MTUS2: variants seen among roughly 807,000 people sequenced by gnomAD.
The protein encoded by MTUS2 is microtubule associated scaffold protein 2.
In MTUS2, 40 loss-of-function variants were observed where a neutral mutation model predicts 114.1. That is an observed-to-expected ratio of 0.35 (90% CI 0.27 to 0.46). MTUS2 has a LOEUF of 0.46. MTUS2 is among the 20% of genes least tolerant of loss of function. The pLI is 1.00. For missense variants in MTUS2, 1,679 were observed against 1,705.4 expected (o/e 0.98, Z 0.27); for synonymous variants, 688 against 672.0 (o/e 1.02, Z -0.37).
intron 5 of MTUS2, among the ~76,000 whole-genome samples, chr13:29,195,634 A>C (rs1279388346): frequency 6.6e-6 from 1 of 151,844 alleles, no homozygotes; most frequent in African/African-American, 2.4e-5. Flanking sequence ...AAGCACCAAA[A>C]GAAAGGAAAG....
intron 9 of MTUS2, chr13:29,476,736 C>T (rs1566224009): frequency 6.6e-6 from 1 of 152,214 alleles, no homozygotes; most frequent in Non-Finnish European, 1.5e-5. Context: ...TATCTTTTCC[C>T]TCCAAGGCAG....
At chr13:29,299,161 A>T (rs1899080493) in intron 6 of MTUS2, among the ~76,000 whole-genome samples, 1 of 152,220 alleles carries the variant, frequency 6.6e-6, no homozygotes, top group Non-Finnish European at 1.5e-5. Flanking sequence ...GAGATGATGT[A>T]TACAATTTCT....
Position 29,503,012 on chromosome 13 carries a change from G to A in MTUS2, c.3916G>A (p.Ala1306Thr). 6.2e-7 allele frequency: 1 copy of A among 1,614,194 alleles called. No individual in the cohort carries two copies. Among genetic ancestry groups the A allele is most frequent in the Non-Finnish European group, 8.5e-7 (1 of 1,180,016 alleles). Residue 1306 changes from alanine (A) to threonine (T), a missense_variant, in exon 16 of 16, where the codon GCT becomes ACT. Physicochemically the swap from Ala to Thr is moderately conservative, Grantham distance 58. Around this residue, in one of 3 missense-constraint regions of MTUS2, gnomAD observed 822 missense variants for 899.7 expected, o/e 0.91. Coordinates refer to ENST00000612955, the MANE Select transcript of MTUS2 (RefSeq NM_001033602.4). ...VVTRQLSEEN[A>T]NLQEYVEKET... ...ATGCAGACAGCTGTCGGAGGAAAATGCTAACCTCCAGGAATATGTTGAGAA... is the reference window on the plus strand; with the variant it reads ...ATGCAGACAGCTGTCGGAGGAAAATACTAACCTCCAGGAATATGTTGAGAA...
intron 6 of MTUS2, among the ~76,000 whole-genome samples, chr13:29,290,831 C>T (rs563016585): frequency 3.3e-5 from 5 of 152,268 alleles, no homozygotes; most frequent in Non-Finnish European, 2.9e-5. Context: ...TATGTGCAGT[C>T]GTGGCTGTTG....
rs559585337 is a variant in MTUS2, at chr13:29,463,542, T to C, written c.3185-16608T>C. On this transcript the variant is annotated intron_variant, in intron 9 of 15. Coordinates refer to ENST00000612955, the MANE Select transcript of MTUS2 (RefSeq NM_001033602.4). ...GTAGGCTCCAAGGGCACACGCCCTA[T>C]TGGGGCATTTTGTAGCTGAGGAAGT... 2.0e-5 allele frequency among the ~76,000 whole-genome samples: 3 copies of C among 152,248 alleles called. No individual in the cohort carries two copies. In the East Asian group the frequency reaches 5.8e-4, roughly 29 times the overall value.
chr13:28,826,075 A>G (rs1253227885), intron 1 of MTUS2, among the ~76,000 whole-genome samples: 3 of 152,130 alleles, frequency 2.0e-5, no homozygotes, highest in African/African-American at 7.2e-5. Context: ...AATTGGTTGT[A>G]TATATTCTAT....
At chr13:29,153,418 C>T (rs1397951547) in intron 5 of MTUS2, among the ~76,000 whole-genome samples, 1 of 152,228 alleles carries the variant, frequency 6.6e-6, no homozygotes, top group African/African-American at 2.4e-5. Flanking sequence ...CCTGGCACAA[C>T]CCCTCCTCTG....
intron 2 of MTUS2, among the ~76,000 whole-genome samples, chr13:28,898,986 T>G (rs1379721411): frequency 1.3e-5 from 2 of 152,174 alleles, no homozygotes; most frequent in Non-Finnish European, 2.9e-5. Context: ...AAATTCCCTT[T>G]CCTCCCACCT....
chr13:29,243,212 G>C (rs1441718575), intron 5 of MTUS2, among the ~76,000 whole-genome samples: 2 of 152,202 alleles, frequency 1.3e-5, no homozygotes, highest in African/African-American at 4.8e-5. Context: ...ACTCAGGGGA[G>C]AGTGTGTAGA....
At chr13:29,183,380 A>T (rs1372592725) in intron 5 of MTUS2, among the ~76,000 whole-genome samples, 1 of 152,022 alleles carries the variant, frequency 6.6e-6, no homozygotes, top group Non-Finnish European at 1.5e-5. Context: ...AGGTTAGGAG[A>T]TTCATTTGGG....
intron 11 of MTUS2, among the ~76,000 whole-genome samples, chr13:29,491,614 AGTGT>A (rs545804654): frequency 1.4e-4 from 19 of 133,636 alleles, no homozygotes; most frequent in Admixed American, 3.8e-4. Flanking sequence ...TGTGGCATAT[AGTGT>A]GTGTATGTGA....
At chr13:29,468,766 G>A (rs1880067220) in intron 9 of MTUS2, among the ~76,000 whole-genome samples, 1 of 152,114 alleles carries the variant, frequency 6.6e-6, no homozygotes, top group African/African-American at 2.4e-5. Context: ...ATGCAGTGAA[G>A]GTTAAACAAA....
chr13:29,299,896 A>C (rs992728078), intron 6 of MTUS2, among the ~76,000 whole-genome samples: 1 of 152,124 alleles, frequency 6.6e-6, no homozygotes, highest in Non-Finnish European at 1.5e-5. Flanking sequence ...AATTCACAGC[A>C]GTTTAATTAG....
intron 7 of MTUS2, among the ~76,000 whole-genome samples, chr13:29,339,212 G>A (rs190973834): frequency 6.6e-6 from 1 of 152,272 alleles, no homozygotes; most frequent in East Asian, 1.9e-4. Flanking sequence ...GCTGTGGCCG[G>A]CGTACTTCCT....
chr13:28,891,151 G>T (rs1234364216), intron 2 of MTUS2, among the ~76,000 whole-genome samples: 1 of 152,214 alleles, frequency 6.6e-6, no homozygotes, highest in African/African-American at 2.4e-5. Context: ...TGTGGGATAC[G>T]TTTTGCTTGT....
At position 29,115,198 on chromosome 13, in the gene MTUS2, T is replaced by C. The variant is rs528649480; in HGVS notation, c.2644+14228T>C. 8.0e-5 allele frequency among the ~76,000 whole-genome samples: 10 copies of C among 124,418 alleles called. No individual in the cohort carries two copies. In the South Asian group the frequency reaches 3.1e-3, roughly 39 times the overall value. 81.6% of individuals were successfully genotyped at this position (124,418 alleles called of 152,430 possible). ...ATGCGATAACTGCCATGAATATGTC[T>C]AGTCTGCCAACAGACTAGGTGAATG... On this transcript the variant is annotated intron_variant, in intron 5 of 15. Transcript: ENST00000612955.
At position 29,281,684 on chromosome 13, in the gene MTUS2, A is replaced by G; in HGVS notation, c.2645-20A>G. ...CATTTTTCATGAAGTTATAATTAAC[A>G]CGCTGTCTGCCTCCCACAGGTTCAA... is the stretch of plus-strand genomic sequence containing the variant. On this transcript the variant is annotated intron_variant, in intron 5 of 15. Coordinates refer to ENST00000612955, the MANE Select transcript of MTUS2 (RefSeq NM_001033602.4). 2 of 1,582,402 alleles carry G rather than the reference A, an allele frequency of 1.3e-6. No homozygotes were observed. The highest frequency in any genetic ancestry group is 8.6e-7 in the Non-Finnish European group (1 of 1,161,706).
At chr13:29,017,272 T>C (rs1886105616) in intron 2 of MTUS2, among the ~76,000 whole-genome samples, 1 of 152,252 alleles carries the variant, frequency 6.6e-6, no homozygotes, top group East Asian at 1.9e-4. Context: ...TTCATTTTTC[T>C]GTATCCTAAA....
chr13:29,066,498 TC>T (rs1449814092), intron 4 of MTUS2, among the ~76,000 whole-genome samples: 1 of 152,242 alleles, frequency 6.6e-6, no homozygotes, highest in East Asian at 1.9e-4. Flanking sequence ...ACTACTCACC[TC>T]CGATGTTATA....
Sources: allele counts gnomAD v4.1 joint callset (sites outside exome capture counted in the v4.1 genomes callset), GRCh38; gene constraint gnomAD v4.1.1; regional missense constraint gnomAD v4.1.1; transcripts MANE v1.5; gene names NCBI Gene and HGNC (gene_info 2026-07-23, HGNC 2026-07-21).